SLC30A8: variants seen among roughly 807,000 people sequenced by gnomAD.
SLC30A8 encodes the protein solute carrier family 30 member 8.
A neutral mutation model predicts 36.9 loss-of-function variants in SLC30A8; 27 were observed. That is an observed-to-expected ratio of 0.73 (90% confidence interval 0.54 to 1.01). The LOEUF (loss-of-function observed/expected upper bound fraction) is 1.01. Among genes scored for constraint, SLC30A8 ranks in the 50% least tolerant of loss-of-function variants. The pLI is 0.00. For missense variants in SLC30A8, 439 were observed against 452.0 expected, an observed-to-expected ratio of 0.97 and a Z score of 0.26; for synonymous variants, 164 against 172.4, an observed-to-expected ratio of 0.95 and a Z score of 0.38.
intron 2 of SLC30A8, among the ~76,000 whole-genome samples, chr8:117,085,628 A>G (rs537526339): frequency 1.3e-5 from 2 of 152,316 alleles, no homozygotes; most frequent in East Asian, 1.9e-4. Context: ...TTCCCTTACT[A>G]TGCCTTCATT....
intron 1 of SLC30A8, among the ~76,000 whole-genome samples, chr8:117,013,840 AACAAAGCCT>A (rs1816424372): frequency 1.3e-5 from 2 of 152,332 alleles, no homozygotes. Context: ...GATGTTTAAA[AACAAAGCCT>A]CTCTGTAGGT....
chr8:117,036,198 A>G (rs1028405311), intron 1 of SLC30A8, among the ~76,000 whole-genome samples: 5 of 152,132 alleles, frequency 3.3e-5, no homozygotes, highest in African/African-American at 1.2e-4. Context: ...CCTTTTAAAC[A>G]TAAATTTCTC....
At chr8:117,130,807 T>G (rs536953805), upstream of SLC30A8, among the ~76,000 whole-genome samples, 1 of 151,888 alleles carries the variant, frequency 6.6e-6, no homozygotes, top group Non-Finnish European at 1.5e-5. Flanking sequence ...GGTTAATTAG[T>G]TCAAATTTGC....
intron 6 of SLC30A8, among the ~76,000 whole-genome samples, chr8:117,165,017 TGAA>T (rs1002280039): frequency 6.6e-6 from 1 of 152,208 alleles, no homozygotes; most frequent in Non-Finnish European, 1.5e-5. Context: ...ATAAAATGGT[TGAA>T]GAACTACTGG....
chr8:117,157,547 A>G, intron 3 of SLC30A8, 144 bp from the exon 4 acceptor site: 1 of 832,922 alleles, frequency 1.2e-6, no homozygotes, highest in East Asian at 2.5e-5. Context: ...AAATCCATCC[A>G]CACTTTTACT....
intron 1 of SLC30A8, among the ~76,000 whole-genome samples, chr8:117,008,467 C>T (rs1379528868): frequency 1.3e-5 from 2 of 152,116 alleles, no homozygotes; most frequent in African/African-American, 2.4e-5. Flanking sequence ...CATTAGATAC[C>T]TTCAAGTCAC....
rs567592477 is a variant in SLC30A8 at position 117,158,102 on chromosome 8, T to G, written c.572+258T>G. On this transcript the variant is annotated intron_variant, in intron 4 of 7. Transcript: ENST00000456015. ...CAGGGTTAGGATGTTTGAATATATA[T>G]TACCAACTTTAATGTTCACAACACC... Among the ~76,000 whole-genome samples, 197 of 152,342 alleles carry G rather than the reference T, an allele frequency of 1.3e-3. 1 individual carries two copies. The highest frequency in any genetic ancestry group is 4.6e-3 in the African/African-American group (192 of 41,574).
At chr8:116,955,728 A>G (rs113609691) in intron 1 of SLC30A8, among the ~76,000 whole-genome samples, 3,151 of 151,974 alleles carry the variant, frequency 0.021, 118 homozygotes, top group African/African-American at 0.072. Context: ...GTCTCAAAAA[A>G]AAAAAAATAA....
intron 1 of SLC30A8, among the ~76,000 whole-genome samples, chr8:116,986,209 C>T (rs893589393): frequency 6.6e-6 from 1 of 151,960 alleles, no homozygotes; most frequent in Non-Finnish European, 1.5e-5. Flanking sequence ...GTCATCAGTT[C>T]ACCCACACAT....
intron 2 of SLC30A8, among the ~76,000 whole-genome samples, chr8:117,039,957 G>A (rs1277499088): frequency 6.6e-6 from 1 of 152,148 alleles, no homozygotes; most frequent in Admixed American, 6.5e-5. Context: ...CTCAAGGAGA[G>A]GATACTTCCT....
chr8:117,040,542 G>T (rs995743315), intron 2 of SLC30A8, among the ~76,000 whole-genome samples: 4 of 152,150 alleles, frequency 2.6e-5, no homozygotes, highest in Admixed American at 2.6e-4. Flanking sequence ...AATGAAAAAT[G>T]CTTAAGTAAA....
At chr8:116,989,012 G>A (rs1252022304) in intron 1 of SLC30A8, among the ~76,000 whole-genome samples, 1 of 152,118 alleles carries the variant, frequency 6.6e-6, no homozygotes, top group East Asian at 1.9e-4. Context: ...ACAAGTGATT[G>A]GATAAGATAG....
chr8:117,015,730 C>T (rs1233020377), intron 1 of SLC30A8, among the ~76,000 whole-genome samples: 1 of 152,084 alleles, frequency 6.6e-6, no homozygotes, highest in Non-Finnish European at 1.5e-5. Context: ...CTTTGTGACA[C>T]AGGCCTAAAG....
intron 1 of SLC30A8, among the ~76,000 whole-genome samples, chr8:117,138,954 G>A (rs912039803): frequency 5.9e-5 from 9 of 152,028 alleles, no homozygotes; most frequent in African/African-American, 2.2e-4. Flanking sequence ...TTGTAAGACA[G>A]CATAGGGTAT....
At chr8:117,140,307 A>G (rs943930612) in intron 1 of SLC30A8, among the ~76,000 whole-genome samples, 3 of 152,092 alleles carry the variant, frequency 2.0e-5, no homozygotes, top group African/African-American at 7.2e-5. Context: ...GGCCAGAAGG[A>G]GAGAGAAAAA....
intron 2 of SLC30A8, among the ~76,000 whole-genome samples, chr8:117,117,104 A>G (rs115164902): frequency 0.015 from 2,316 of 152,114 alleles, 51 homozygotes; most frequent in African/African-American, 0.049. Flanking sequence ...GGAAAGACCC[A>G]TCTTTAGAAT....
intron 1 of SLC30A8, among the ~76,000 whole-genome samples, chr8:117,007,734 G>T (rs1475047016): frequency 6.6e-6 from 1 of 152,004 alleles, no homozygotes; most frequent in Non-Finnish European, 1.5e-5. Flanking sequence ...GGAAACTAAG[G>T]CATAGAGAGA....
intron 2 of SLC30A8, among the ~76,000 whole-genome samples, chr8:117,094,018 A>G (rs1457352629): frequency 6.6e-6 from 1 of 152,196 alleles, no homozygotes; most frequent in African/African-American, 2.4e-5. Context: ...AGCAGCTTCC[A>G]TGGCTGGCAC....
rs1281132443 is a variant in SLC30A8, at chr8:117,053,739, G to A, written c.-226+14481G>A. Among the ~76,000 whole-genome samples the A allele has an allele frequency of 3.3e-5, 5 of 152,316 alleles. 1 individual carries two copies. The South Asian group carries it at 1.0e-3, about 32-fold the overall frequency. On this transcript the variant is annotated intron_variant, in intron 2 of 10. Transcript: ENST00000427715. ...ATGAAAGCAATGCATGCATAGTGCT[G>A]CATACAGCAGGGACTTAATGATAAG...
Sources: gnomAD v4.1 joint callset for allele counts (sites outside exome capture counted in the v4.1 genomes callset) on GRCh38, gnomAD v4.1.1 for gene constraint, MANE v1.5 for transcripts, NCBI Gene and HGNC (gene_info 2026-07-23, HGNC 2026-07-21) for gene names.